The following SLC30A8 variants were observed in gnomAD, a reference collection of about 807,000 sequenced individuals.
The protein encoded by SLC30A8 is solute carrier family 30 member 8.
A neutral mutation model predicts 36.9 loss-of-function variants in SLC30A8; 27 were observed. The ratio of observed to expected loss-of-function variants is 0.73; its 90% CI spans 0.54 to 1.01. The LOEUF (loss-of-function observed/expected upper bound fraction) is 1.01, where lower values mean the gene tolerates loss of function less well. Among genes scored for constraint, SLC30A8 ranks in the 50% least tolerant of loss-of-function variants. The probability of loss-of-function intolerance (pLI) is 0.00; values close to 1 mark genes in which losing one functional copy is unlikely to be tolerated. For missense variants in SLC30A8, 439 were observed against 452.0 expected (o/e 0.97, Z 0.26); for synonymous variants, 164 against 172.4 (o/e 0.95, Z 0.38).
intron 1 of SLC30A8, among the ~76,000 whole-genome samples, chr8:116,989,223 G>A (rs1815547955): frequency 6.6e-6 from 1 of 152,178 alleles, no homozygotes; most frequent in Admixed American, 6.6e-5. Flanking sequence ...GCTTGCTGAA[G>A]AAGAAGGGCA....
intron 2 of SLC30A8, among the ~76,000 whole-genome samples, chr8:117,043,574 G>A (rs114157490): frequency 0.01 from 1,552 of 152,322 alleles, 25 homozygotes; most frequent in African/African-American, 0.035. Flanking sequence ...AGAATAACTT[G>A]ACTATAAAAC....
chr8:117,106,417 C>T (rs750351276), intron 2 of SLC30A8, among the ~76,000 whole-genome samples: 22 of 152,150 alleles, frequency 1.4e-4, no homozygotes, highest in Non-Finnish European at 2.5e-4. Flanking sequence ...TATGTTTGTA[C>T]CAACCTAATA....
At chr8:116,977,509 A>ATT (rs1815088890) in intron 1 of SLC30A8, among the ~76,000 whole-genome samples, 2 of 94,028 alleles carry the variant, frequency 2.1e-5, no homozygotes, top group African/African-American at 8.7e-5. Context: ...CTACTTTACC[A>ATT]CTTTTTTTTT....
At chr8:117,098,501 G>T (rs1364423266) in intron 2 of SLC30A8, among the ~76,000 whole-genome samples, 2 of 152,140 alleles carry the variant, frequency 1.3e-5, no homozygotes, top group Non-Finnish European at 2.9e-5. Flanking sequence ...ACGGATGCGT[G>T]TCTGGGATAA....
At chr8:117,038,580 A>G (rs1817287808) in intron 1 of SLC30A8, among the ~76,000 whole-genome samples, 1 of 152,222 alleles carries the variant, frequency 6.6e-6, no homozygotes, top group South Asian at 2.1e-4. Flanking sequence ...CAATACTGCA[A>G]TAAATATTTT....
At chr8:117,017,920 G>A (rs1816570966) in intron 1 of SLC30A8, 1 of 152,212 alleles carries the variant, frequency 6.6e-6, no homozygotes, top group African/African-American at 2.4e-5. Context: ...GAGGTTTCTT[G>A]TAACCATATT....
intron 2 of SLC30A8, among the ~76,000 whole-genome samples, chr8:117,064,055 T>C (rs914002248): frequency 6.6e-6 from 1 of 151,906 alleles, no homozygotes; most frequent in African/African-American, 2.4e-5. Flanking sequence ...TGGAGTGCAA[T>C]GATGTGATCT....
intron 2 of SLC30A8, among the ~76,000 whole-genome samples, chr8:117,092,343 C>G (rs1485100439): frequency 6.6e-6 from 1 of 151,402 alleles, no homozygotes; most frequent in South Asian, 2.1e-4. Flanking sequence ...TTTATTTTTT[C>G]TTTACCTACA....
At chr8:117,135,421 T>G in intron 1 of SLC30A8, 23 bp downstream of exon 1, 1 of 1,549,742 alleles carries the variant, frequency 6.5e-7, no homozygotes, top group Non-Finnish European at 8.8e-7. Flanking sequence ...TGTGTCTGCT[T>G]CACAATTTTC....
chr8:117,073,258 C>A (rs1586470362), intron 2 of SLC30A8, among the ~76,000 whole-genome samples: 1 of 140,266 alleles, frequency 7.1e-6, no homozygotes, highest in Non-Finnish European at 1.6e-5. Flanking sequence ...ATTTCTTTCA[C>A]TTTTTTTTTT....
At chr8:117,046,279 C>G (rs958971334) in intron 2 of SLC30A8, among the ~76,000 whole-genome samples, 3 of 152,186 alleles carry the variant, frequency 2.0e-5, no homozygotes, top group Non-Finnish European at 4.4e-5. Flanking sequence ...TGGACCCCCC[C>G]ACCGCCACAG....
intron 2 of SLC30A8, among the ~76,000 whole-genome samples, chr8:117,116,103 A>G (rs1456485432): frequency 6.6e-6 from 1 of 151,834 alleles, no homozygotes; most frequent in African/African-American, 2.4e-5. Context: ...TAAAAACAAG[A>G]AATGACAATA....
At chr8:117,065,323 T>G (rs576130232) in intron 2 of SLC30A8, among the ~76,000 whole-genome samples, 3 of 152,190 alleles carry the variant, frequency 2.0e-5, no homozygotes, top group African/African-American at 7.2e-5. Flanking sequence ...ATTGGTGAAA[T>G]GAGTTTAAAA....
rs777664300 is a variant in SLC30A8, at chr8:117,157,645, A to G, written c.419-46A>G. On this transcript the variant is annotated intron_variant, in intron 3 of 7. Transcript: ENST00000456015. ...ACTCTTGGGGGTGTAGGTGTAGGTG[A>G]TGGAGTTATCTGTGTGTGGGTTTCT... 12 of 1,604,658 alleles carry G rather than the reference A, an allele frequency of 7.5e-6. No individual in the cohort carries two copies. The South Asian group carries it at 1.2e-4, about 16-fold the overall frequency.
chr8:116,955,003 G>A (rs570275267), intron 1 of SLC30A8, among the ~76,000 whole-genome samples: 31 of 152,336 alleles, frequency 2.0e-4, no homozygotes, highest in Middle Eastern at 3.4e-3. Flanking sequence ...TGTATCAGTT[G>A]ATGAAAAGTT....
chr8:117,022,267 A>G (rs1816723040), intron 1 of SLC30A8, among the ~76,000 whole-genome samples: 1 of 152,172 alleles, frequency 6.6e-6, no homozygotes, highest in Non-Finnish European at 1.5e-5. Context: ...AGATGGATAA[A>G]ATTTTTTTAA....
intron 1 of SLC30A8, among the ~76,000 whole-genome samples, chr8:116,998,543 T>C (rs1815896876): frequency 6.6e-6 from 1 of 152,176 alleles, no homozygotes; most frequent in African/African-American, 2.4e-5. Flanking sequence ...TTGAAGAGCG[T>C]CCCCCAAAAT....
chr8:117,170,687 G>A (rs955435700), intron 6 of SLC30A8, among the ~76,000 whole-genome samples: 5 of 152,060 alleles, frequency 3.3e-5, no homozygotes, highest in Admixed American at 3.3e-4. Flanking sequence ...GCTAACCCAT[G>A]ATTATTTGAT....
intron 1 of SLC30A8, among the ~76,000 whole-genome samples, chr8:116,978,049 A>G (rs1181001582): frequency 6.6e-6 from 1 of 151,974 alleles, no homozygotes; most frequent in Non-Finnish European, 1.5e-5. Flanking sequence ...GTTCCCCTCT[A>G]GGTTGTCCTG....
Sources: gnomAD v4.1 joint callset for allele counts (sites outside exome capture counted in the v4.1 genomes callset) on GRCh38, gnomAD v4.1.1 for gene constraint, MANE v1.5 for transcripts, NCBI Gene and HGNC (gene_info 2026-07-23, HGNC 2026-07-21) for gene names.